The following ANKRD62 variants were observed in gnomAD, a reference collection of about 807,000 sequenced individuals.
ANKRD62 encodes ankyrin repeat domain 62, also known as ankyrin repeat domain-containing protein 62.
ANKRD62 carries 61 observed loss-of-function variants against 98.8 expected under a neutral mutation model. The observed-to-expected ratio is 0.62, with a 90% CI of 0.50 to 0.76. ANKRD62 has a LOEUF of 0.76. ANKRD62 is among the 30% of genes least tolerant of loss of function. The probability of loss-of-function intolerance (pLI) is 0.00; values close to 1 mark genes in which losing one functional copy is unlikely to be tolerated. For missense variants in ANKRD62, 933 were observed against 1,082.9 expected (o/e 0.86, Z 1.94); for synonymous variants, 341 against 367.9 (o/e 0.93, Z 0.84).
chr18:12,165,953 A>G, the ANKRD62 span, among the ~76,000 whole-genome samples: 3 of 151,968 alleles, frequency 2.0e-5, no homozygotes, highest in Non-Finnish European at 2.9e-5. Flanking sequence ...ATGTCATACC[A>G]TTCTCTCCTG....
chr18:12,105,606 T>C (rs1311314205), intron 7 of ANKRD62, among the ~76,000 whole-genome samples: 1 of 152,032 alleles, frequency 6.6e-6, no homozygotes. Flanking sequence ...CTGCCACTCG[T>C]TTTTTTTCTC....
chr18:12,105,100 C>T (rs1320420656), intron 7 of ANKRD62, among the ~76,000 whole-genome samples: 1 of 152,184 alleles, frequency 6.6e-6, no homozygotes, highest in Non-Finnish European at 1.5e-5. Context: ...AAATGTGCCT[C>T]AGTTTAGTGA....
chr18:12,138,276 T>A, the ANKRD62 span, among the ~76,000 whole-genome samples: 1 of 152,256 alleles, frequency 6.6e-6, no homozygotes, highest in Non-Finnish European at 1.5e-5. Context: ...AAAGAACATC[T>A]TTATTTCTGT....
Position 12,115,423 on chromosome 18 carries a change from C to T in ANKRD62, c.1129C>T (p.Leu377Phe). 2 of 1,536,142 alleles carry T rather than the reference C, an allele frequency of 1.3e-6. No individual in the cohort carries two copies. Among genetic ancestry groups the T allele is most frequent in the East Asian group, 2.4e-5 (1 of 40,850 alleles). Reference sequence around the variant, plus strand: ...AAGCCAAATATATTTCACGGATGACCTTAATGACATAAGTGGGTCATCTGA... The same window carrying T: ...AAGCCAAATATATTTCACGGATGACTTTAATGACATAAGTGGGTCATCTGA... ...VKSQIYFTDD[L>F]NDISGSSEKT... is the part of the protein sequence containing the mutation. Residue 377 changes from leucine (L) to phenylalanine (F), a missense_variant, in exon 10 of 14, where the codon CTT becomes TTT. Leu to Phe is a conservative substitution (Grantham distance 22). This residue lies in a region of ANKRD62 where 549 missense variants were observed against 587.9 expected (regional missense o/e 0.93). Transcript: ENST00000587848.
chr18:12,156,851 T>G, the ANKRD62 span, among the ~76,000 whole-genome samples: 2 of 152,226 alleles, frequency 1.3e-5, no homozygotes, highest in Non-Finnish European at 2.9e-5. Flanking sequence ...TGTCACATTT[T>G]TGTCTTCATA....
chr18:12,115,559 G>T (rs1170871172), intron 10 of ANKRD62, 25 bp downstream of exon 10: 32 of 1,523,396 alleles, frequency 2.1e-5, no homozygotes, highest in Non-Finnish European at 2.7e-5. Context: ...TAAATATAAG[G>T]CTCTTTCCCT....
At chr18:12,138,160 C>G in the ANKRD62 span, among the ~76,000 whole-genome samples, 5 of 152,088 alleles carry the variant, frequency 3.3e-5, no homozygotes, top group African/African-American at 1.2e-4. Context: ...TTAGATCTTT[C>G]CTGCTTTCTC....
intron 7 of ANKRD62, among the ~76,000 whole-genome samples, chr18:12,105,243 C>T (rs1909387737): frequency 6.6e-6 from 1 of 152,214 alleles, no homozygotes; most frequent in African/African-American, 2.4e-5. Flanking sequence ...ACTTGTTCCA[C>T]AAACCATTAT....
At chr18:12,124,541 T>C (rs1381851113) in intron 12 of ANKRD62, among the ~76,000 whole-genome samples, 1 of 152,154 alleles carries the variant, frequency 6.6e-6, no homozygotes, top group Non-Finnish European at 1.5e-5. Flanking sequence ...CCATAATATA[T>C]ATACTTAGTG....
At chr18:12,107,537 T>G in intron 8 of ANKRD62, 70 bp downstream of exon 8, 2 of 1,191,254 alleles carry the variant, frequency 1.7e-6, no homozygotes, top group Non-Finnish European at 2.1e-6. Flanking sequence ...TAATTTGGGT[T>G]AATATGTACG....
intron 7 of ANKRD62, among the ~76,000 whole-genome samples, chr18:12,104,462 G>T (rs562272669): frequency 3.9e-5 from 6 of 152,182 alleles, no homozygotes; most frequent in Admixed American, 1.3e-4. Context: ...ACAAACAGAA[G>T]TGAACAAGTA....
chr18:12,174,715 T>C, the ANKRD62 span, among the ~76,000 whole-genome samples: 26 of 152,344 alleles, frequency 1.7e-4, no homozygotes, highest in Admixed American at 5.2e-4. Flanking sequence ...GAGTGTGGTA[T>C]AAGGTGGTTT....
chr18:12,140,579 GC>G, the ANKRD62 span, among the ~76,000 whole-genome samples: 1 of 152,192 alleles, frequency 6.6e-6, no homozygotes, highest in Non-Finnish European at 1.5e-5. Flanking sequence ...AGGACCCTCA[GC>G]TGCAGGTCTG....
At chr18:12,097,156 C>G (rs1019781480) in intron 4 of ANKRD62, among the ~76,000 whole-genome samples, 1 of 152,120 alleles carries the variant, frequency 6.6e-6, no homozygotes, top group Admixed American at 6.6e-5. Flanking sequence ...GTATATATGG[C>G]ATTTAATCCA....
rs1909929186 is a variant in ANKRD62, at chr18:12,128,031, A to C, written c.*92A>C. The C allele has an allele frequency of 3.6e-5, 28 of 776,250 alleles. No individual in the cohort carries two copies. The highest frequency in any genetic ancestry group is 4.9e-5 in the Non-Finnish European group (28 of 569,426). The allele number at this position is 776,250 out of a possible 1,614,324, so 48.1% of individuals were successfully genotyped here. On this transcript the variant is annotated 3_prime_UTR_variant, in exon 14 of 14. Coordinates refer to ENST00000587848, the MANE Select transcript of ANKRD62 (RefSeq NM_001277333.2). ...TTATAATTAATTTTATTAAAATTTG[A>C]TTATCTTTATAATACATCCATTTCT...
the ANKRD62 span, among the ~76,000 whole-genome samples, chr18:12,136,774 A>G: frequency 1.3e-5 from 2 of 152,168 alleles, no homozygotes; most frequent in Admixed American, 6.5e-5. Flanking sequence ...ATCCCTTGTA[A>G]GTTGTATTCC....
intron 8 of ANKRD62, 115 bp downstream of exon 8, chr18:12,107,582 T>G (rs1598732722): frequency 1.3e-6 from 1 of 778,946 alleles, no homozygotes; most frequent in Non-Finnish European, 1.8e-6. Flanking sequence ...AGGAATATTC[T>G]GCCTTGCCTG....
At chr18:12,127,674 A>C in intron 13 of ANKRD62, 74 bp from the exon 14 acceptor site, 1 of 1,145,932 alleles carries the variant, frequency 8.7e-7, no homozygotes, top group South Asian at 2.5e-5. Flanking sequence ...TGTGTATATT[A>C]GAGTTAAATA....
At chr18:12,134,660 T>C (rs540878718), downstream of ANKRD62, among the ~76,000 whole-genome samples, 2 of 152,152 alleles carry the variant, frequency 1.3e-5, no homozygotes, top group Non-Finnish European at 2.9e-5. Context: ...TTGCTGAGAA[T>C]GATGGTTTCC....
Sources: gnomAD v4.1 joint callset for allele counts (sites outside exome capture counted in the v4.1 genomes callset) on GRCh38, gnomAD v4.1.1 for gene constraint, gnomAD v4.1.1 regional missense constraint, MANE v1.5 for transcripts, NCBI Gene and HGNC (gene_info 2026-07-23, HGNC 2026-07-21) for gene names.